RERG: variants seen among roughly 807,000 people sequenced by gnomAD.
RERG encodes RAS like estrogen regulated growth inhibitor.
In RERG, 25 loss-of-function variants were observed where a neutral mutation model predicts 23.2. The ratio of observed to expected loss-of-function variants is 1.08; its 90% CI spans 0.79 to 1.50. The LOEUF (loss-of-function observed/expected upper bound fraction) is 1.50. Among genes scored for constraint, RERG ranks in the 40% most tolerant of loss-of-function variants. RERG has a pLI of 0.00. For synonymous variants in RERG, 81 were observed against 89.1 expected (o/e 0.91, Z 0.51); for missense variants, 253 against 250.1 (o/e 1.01, Z -0.08).
chr12:15,183,298 G>A (rs1034749662), intron 2 of RERG, among the ~76,000 whole-genome samples: 5 of 151,970 alleles, frequency 3.3e-5, no homozygotes, highest in South Asian at 4.1e-4. Context: ...TCTGAGATAC[G>A]TGGGCAAACA....
At chr12:15,158,579 G>T (rs1864557327) in intron 2 of RERG, among the ~76,000 whole-genome samples, 1 of 151,906 alleles carries the variant, frequency 6.6e-6, no homozygotes, top group South Asian at 2.1e-4. Context: ...ATTGTGCCTG[G>T]CCTCTCAGCA....
chr12:15,148,887 T>TTTAAA, intron 2 of RERG, among the ~76,000 whole-genome samples: 1 of 69,500 alleles, frequency 1.4e-5, no homozygotes, highest in South Asian at 5.5e-4. Context: ...TTTTTTTTTT[T>TTTAAA]AGACAGAGTC....
rs1401827846 is a variant in RERG, at chr12:15,109,461, G to T, written c.249C>A (p.Val83=). The change falls in exon 5 of 5, where the codon GTC becomes GTA. Residue 83 remains valine (V), a synonymous_variant. Transcript: ENST00000256953. The part of the protein sequence containing the change: ...HMRWGEGFVL[V]YDITDRGSFE... ...AACTTCCTCGGTCAGTAATGTCGTA[G>T]ACCAGCACAAAGCCTTCCCCCCATC... 1 of 1,613,648 alleles carries T rather than the reference G, an allele frequency of 6.2e-7. No individual in the cohort carries two copies. Among genetic ancestry groups the T allele is most frequent in the Non-Finnish European group, 8.5e-7 (1 of 1,179,874 alleles).
intron 2 of RERG, among the ~76,000 whole-genome samples, chr12:15,182,561 T>G (rs1371144136): frequency 6.6e-6 from 1 of 152,204 alleles, no homozygotes; most frequent in Non-Finnish European, 1.5e-5. Flanking sequence ...TTTTCTCATC[T>G]AAAACAATTA....
chr12:15,109,584 G>A, intron 4 of RERG, 67 bp from the exon 5 acceptor site: 1 of 1,289,380 alleles, frequency 7.8e-7, no homozygotes, highest in Non-Finnish European at 1.1e-6. Flanking sequence ...TGCTGGTAAT[G>A]CTGACAGTAA....
chr12:15,181,263 C>T (rs1263373462), intron 2 of RERG, among the ~76,000 whole-genome samples: 1 of 152,186 alleles, frequency 6.6e-6, no homozygotes, highest in Non-Finnish European at 1.5e-5. Context: ...AGCTAGTCTT[C>T]TTCATCTTGA....
chr12:15,139,431 T>C (rs1241522701), intron 2 of RERG, among the ~76,000 whole-genome samples: 1 of 152,142 alleles, frequency 6.6e-6, no homozygotes, highest in Non-Finnish European at 1.5e-5. Context: ...ATCTTAACAA[T>C]ATTGAGTCTT....
At chr12:15,211,539 G>A (rs1313010688) in intron 2 of RERG, among the ~76,000 whole-genome samples, 1 of 152,046 alleles carries the variant, frequency 6.6e-6, no homozygotes, top group African/African-American at 2.4e-5. Context: ...GGTATCAGTG[G>A]GCAAAACCAA....
chr12:15,120,486 CAAAG>C (rs1386105001), intron 3 of RERG, among the ~76,000 whole-genome samples: 1 of 47,530 alleles, frequency 2.1e-5, no homozygotes, highest in East Asian at 6.7e-4. Context: ...TAAAACAAAA[CAAAG>C]AAATTAAAAA....
At chr12:15,120,785 A>G (rs1863817071) in intron 3 of RERG, among the ~76,000 whole-genome samples, 2 of 151,994 alleles carry the variant, frequency 1.3e-5, no homozygotes, top group African/African-American at 4.8e-5. Flanking sequence ...ATGATACTGC[A>G]TTTTTCTTAT....
chr12:15,176,916 AC>A (rs1864858417), intron 2 of RERG, among the ~76,000 whole-genome samples: 1 of 152,170 alleles, frequency 6.6e-6, no homozygotes, highest in South Asian at 2.1e-4. Flanking sequence ...ACACACATAC[AC>A]TTTTTTAAAT....
At chr12:15,192,646 G>GT (rs992348402) in intron 2 of RERG, among the ~76,000 whole-genome samples, 1 of 152,086 alleles carries the variant, frequency 6.6e-6, no homozygotes, top group African/African-American at 2.4e-5. Flanking sequence ...GATTTCACCA[G>GT]TTTTTTCCAA....
intron 2 of RERG, among the ~76,000 whole-genome samples, chr12:15,131,309 TTA>T (rs1430958521): frequency 5.9e-5 from 9 of 151,920 alleles, no homozygotes; most frequent in African/African-American, 1.9e-4. Flanking sequence ...AAAATATTAT[TTA>T]TGTTAATTTT....
chr12:15,210,070 A>G (rs1266794860), intron 2 of RERG, among the ~76,000 whole-genome samples: 1 of 152,228 alleles, frequency 6.6e-6, no homozygotes, highest in Non-Finnish European at 1.5e-5. Flanking sequence ...AATTTTCAAA[A>G]GCAGCTGTAG....
chr12:15,159,590 G>A (rs1199666271), intron 2 of RERG, among the ~76,000 whole-genome samples: 1 of 152,164 alleles, frequency 6.6e-6, no homozygotes, highest in East Asian at 1.9e-4. Context: ...TTGGGAGGCC[G>A]AGGCAGGCAG....
intron 1 of RERG, among the ~76,000 whole-genome samples, chr12:15,220,175 T>C (rs1217732548): frequency 2.0e-5 from 3 of 152,250 alleles, no homozygotes; most frequent in Non-Finnish European, 4.4e-5. Flanking sequence ...AGAGCTTCCA[T>C]ACGTGGATCT....
At chr12:15,126,152 T>TATA (rs201836288) in intron 2 of RERG, among the ~76,000 whole-genome samples, 1 of 138,210 alleles carries the variant, frequency 7.2e-6, no homozygotes, top group Non-Finnish European at 1.6e-5. Flanking sequence ...TATATATATA[T>TATA]GTATTTACAC....
chr12:15,118,311 T>A (rs549308267), intron 3 of RERG, among the ~76,000 whole-genome samples: 5 of 152,266 alleles, frequency 3.3e-5, no homozygotes, highest in Admixed American at 2.0e-4. Flanking sequence ...AATATTCTAA[T>A]TGAGTTAATA....
chr12:15,136,997 T>C (rs1864154626), intron 2 of RERG, among the ~76,000 whole-genome samples: 1 of 151,954 alleles, frequency 6.6e-6, no homozygotes, highest in South Asian at 2.1e-4. Context: ...GATAGCAAGG[T>C]GTTGAAGTCT....
Sources: allele counts gnomAD v4.1 joint callset (sites outside exome capture counted in the v4.1 genomes callset), GRCh38; gene constraint gnomAD v4.1.1; transcripts MANE v1.5; gene names NCBI Gene and HGNC (gene_info 2026-07-23, HGNC 2026-07-21).